PDZRN3: variants seen among roughly 807,000 people sequenced by gnomAD.
PDZRN3 encodes E3 ubiquitin-protein ligase PDZRN3.
Under a neutral mutation model 85.7 loss-of-function variants are expected in PDZRN3, and 38 were observed. That is an observed-to-expected ratio of 0.44 (90% CI 0.34 to 0.58). The LOEUF (loss-of-function observed/expected upper bound fraction) is 0.58. Ranked by LOEUF, PDZRN3 falls within the 20% of genes least tolerant of loss-of-function variation. PDZRN3 has a pLI of 0.01. For missense variants in PDZRN3, 1,629 were observed against 1,506.4 expected, an observed-to-expected ratio of 1.08 and a Z score of -1.35; for synonymous variants, 759 against 638.0, an observed-to-expected ratio of 1.19 and a Z score of -2.86.
chr3:73,543,674 C>T (rs1193338805), intron 3 of PDZRN3, among the ~76,000 whole-genome samples: 1 of 152,188 alleles, frequency 6.6e-6, no homozygotes, highest in Non-Finnish European at 1.5e-5. Flanking sequence ...GCTGATAAAA[C>T]TGGACCAACT....
chr3:73,490,569 T>C (rs189445867), intron 3 of PDZRN3, among the ~76,000 whole-genome samples: 3 of 152,344 alleles, frequency 2.0e-5, no homozygotes, highest in Admixed American at 6.5e-5. Context: ...AGGTTTTTTT[T>C]CTTCACCCAT....
intron 3 of PDZRN3, among the ~76,000 whole-genome samples, chr3:73,479,300 G>T (rs1703515770): frequency 6.6e-6 from 1 of 151,934 alleles, no homozygotes; most frequent in South Asian, 2.1e-4. Context: ...ATGTTTTCAA[G>T]TTGTAAAGAG....
chr3:73,434,260 G>A (rs1268690777), intron 3 of PDZRN3, among the ~76,000 whole-genome samples: 1 of 152,146 alleles, frequency 6.6e-6, no homozygotes, highest in African/African-American at 2.4e-5. Flanking sequence ...ATGTGTTTCG[G>A]CTAGGTAGAA....
At chr3:73,435,749 C>A (rs1414418118) in intron 3 of PDZRN3, among the ~76,000 whole-genome samples, 1 of 152,074 alleles carries the variant, frequency 6.6e-6, no homozygotes, top group Non-Finnish European at 1.5e-5. Flanking sequence ...TGCCTACTCA[C>A]CAGTTGCTTC....
intron 9 of PDZRN3, 59 bp from the exon 10 acceptor site, chr3:73,384,989 G>T: frequency 6.5e-7 from 1 of 1,528,314 alleles, no homozygotes. Context: ...CAGGTACTCA[G>T]GTTTGACCTT....
In PDZRN3 at chr3:73,384,752, T is replaced by C. The variant is rs1443518161; in HGVS notation, c.1814A>G (p.Lys605Arg). The change falls in exon 10 of 10, where the codon AAG (lysine) becomes AGG (arginine). Residue 605 changes from lysine (K) to arginine (R), a missense_variant. Coordinates refer to ENST00000263666, the MANE Select transcript of PDZRN3 (RefSeq NM_015009.3). ...ASSNPLAGQR[K>R]LTCSQDTLGS... is the part of the protein sequence containing the mutation. ...CAAGGTGTCCTGGCTGCAGGTGAGC[T>C]TCCTCTGCCCCGCCAGCGGGTTGGA... 2.5e-6 allele frequency: 4 copies of C among 1,613,884 alleles called. No homozygotes were observed. The African/African-American group carries it at 4.0e-5, about 16-fold the overall frequency.
At chr3:73,540,435 C>T (rs763346947) in intron 3 of PDZRN3, among the ~76,000 whole-genome samples, 7 of 152,096 alleles carry the variant, frequency 4.6e-5, no homozygotes, top group Admixed American at 1.3e-4. Context: ...ATGACTGTTA[C>T]GGTTTGGCTG....
At chr3:73,435,519 T>C (rs757427569) in intron 3 of PDZRN3, among the ~76,000 whole-genome samples, 3 of 152,232 alleles carry the variant, frequency 2.0e-5, no homozygotes, top group East Asian at 3.8e-4. Flanking sequence ...CAGAGTTTTG[T>C]TGCAATGATT....
chr3:73,388,083 A>AAACCCC lies in PDZRN3; in HGVS notation c.1417-15_1417-14insGGGGTT. 3 of 908,178 alleles carry AAACCCC rather than the reference A, an allele frequency of 3.3e-6. No individual in the cohort carries two copies. The highest frequency in any genetic ancestry group is 2.7e-5 in the East Asian group (1 of 36,366). The allele number at this position is 908,178 out of a possible 1,614,324, so 56.3% of individuals were successfully genotyped here. ...TATCCCATTAATCTTTTAAAAAAAA[A>AAACCCC]GGGGGGGTGGGGAGAGTGGGGAGAC... On this transcript the variant is annotated splice_polypyrimidine_tract_variant and intron_variant, in intron 7 of 9. Coordinates refer to ENST00000263666, the MANE Select transcript of PDZRN3 (RefSeq NM_015009.3).
intron 3 of PDZRN3, among the ~76,000 whole-genome samples, chr3:73,587,915 T>C (rs554626131): frequency 1.8e-4 from 27 of 152,326 alleles, no homozygotes; most frequent in Non-Finnish European, 2.4e-4. Context: ...CAGAGTCAAT[T>C]TGAGGCAAAA....
rs772023229 is a variant in PDZRN3, at chr3:73,384,890, G to A, written c.1676C>T (p.Thr559Ile). 1.2e-5 allele frequency: 20 copies of A among 1,612,324 alleles called. No individual in the cohort carries two copies. Among genetic ancestry groups the A allele is most frequent in the Non-Finnish European group, 1.6e-5 (19 of 1,178,964 alleles). The part of the protein sequence containing the change: ...DEDGGTTDTA[T>I]ILSNQHEKDS... Reference sequence around the variant, plus strand: ...CTTCTCGTGCTGGTTGGACAAGATGGTGGCTGTATCTGTGGTCCCACCGTC... The same window carrying A: ...CTTCTCGTGCTGGTTGGACAAGATGATGGCTGTATCTGTGGTCCCACCGTC... The change falls in exon 10 of 10, where the codon ACC (threonine) becomes ATC (isoleucine). Residue 559 changes from threonine (T) to isoleucine (I), a missense_variant. Physicochemically the swap from Thr to Ile is moderately conservative, Grantham distance 89. Coordinates refer to ENST00000263666, the MANE Select transcript of PDZRN3 (RefSeq NM_015009.3).
chr3:73,596,234 CAGAT>C (rs1190303580), intron 3 of PDZRN3, among the ~76,000 whole-genome samples: 3 of 152,132 alleles, frequency 2.0e-5, no homozygotes, highest in Non-Finnish European at 4.4e-5. Flanking sequence ...AAGAGACAGA[CAGAT>C]AAACAGATTA....
At chr3:73,451,716 G>A (rs868187883) in intron 3 of PDZRN3, among the ~76,000 whole-genome samples, 2 of 152,110 alleles carry the variant, frequency 1.3e-5, no homozygotes, top group African/African-American at 4.8e-5. Context: ...TTAAAACATC[G>A]CTTCCCCTTT....
intron 3 of PDZRN3, among the ~76,000 whole-genome samples, chr3:73,544,327 A>G (rs1701368383): frequency 6.6e-6 from 1 of 152,196 alleles, no homozygotes; most frequent in Admixed American, 6.5e-5. Flanking sequence ...AGACCATATT[A>G]TACACAGTAT....
intron 3 of PDZRN3, among the ~76,000 whole-genome samples, chr3:73,574,672 C>T (rs766494153): frequency 8.0e-4 from 122 of 152,262 alleles, no homozygotes; most frequent in African/African-American, 2.8e-3. Flanking sequence ...TTGGTCAGGC[C>T]GGTCTCAAAC....
At chr3:73,544,615 C>T (rs1050394895) in intron 3 of PDZRN3, among the ~76,000 whole-genome samples, 1 of 151,682 alleles carries the variant, frequency 6.6e-6, no homozygotes, top group African/African-American at 2.4e-5. Context: ...CAAAGGACAC[C>T]ACTCTGTGGT....
chr3:73,563,001 ATATATATATATATTTT>A (rs1357678562), intron 3 of PDZRN3, among the ~76,000 whole-genome samples: 41 of 35,410 alleles, frequency 1.2e-3, no homozygotes, highest in African/African-American at 1.7e-3. Flanking sequence ...ATATATATAT[ATATATATATATATTTT>A]TTTTTTTTTT....
At chr3:73,613,439 G>A (rs1245770049) in intron 1 of PDZRN3, among the ~76,000 whole-genome samples, 4 of 152,096 alleles carry the variant, frequency 2.6e-5, no homozygotes, top group African/African-American at 4.8e-5. Flanking sequence ...ACTAAGAAAC[G>A]GTGAACTTAG....
chr3:73,409,660 C>T (rs186094312), intron 3 of PDZRN3, among the ~76,000 whole-genome samples: 48 of 152,200 alleles, frequency 3.2e-4, no homozygotes, highest in Admixed American at 1.2e-3. Flanking sequence ...GAATGCTAGC[C>T]GGGCCCATAA....
Sources: gnomAD v4.1 joint callset for allele counts (sites outside exome capture counted in the v4.1 genomes callset) on GRCh38, gnomAD v4.1.1 for gene constraint, MANE v1.5 for transcripts, NCBI Gene and HGNC (gene_info 2026-07-23, HGNC 2026-07-21) for gene names.